AGRN: variants seen among roughly 807,000 people sequenced by gnomAD.
AGRN encodes the protein agrin, also known as agrin proteoglycan.
Under a neutral mutation model 211.0 loss-of-function variants are expected in AGRN, and 106 were observed. That is an observed-to-expected ratio of 0.50 (90% CI 0.43 to 0.59). AGRN has a LOEUF of 0.59. Among genes scored for constraint, AGRN ranks in the 20% least tolerant of loss-of-function variants. AGRN has a pLI of 0.00. For synonymous variants in AGRN, 1,525 were observed against 1,332.5 expected, an observed-to-expected ratio of 1.14 and a Z score of -3.15; for missense variants, 3,040 against 2,982.6, an observed-to-expected ratio of 1.02 and a Z score of -0.45.
At chr1:1,045,571 G>T in intron 14 of AGRN, 48 bp downstream of exon 14, 1 of 1,607,410 alleles carries the variant, frequency 6.2e-7, no homozygotes, top group Admixed American at 1.7e-5. Context: ...CCTCCTACCT[G>T]TTCACCCCCA....
chr1:1,047,064 A>G lies in AGRN; in HGVS notation c.3388+107A>G, dbSNP rs3128099. On this transcript the variant is annotated intron_variant, in intron 19 of 35. Transcript: ENST00000379370. ...CAGTGCCGGGGGTTATGGTCTTGGG[A>G]CTCGGCCCCCTCAAACATGTGCGTG... 1,367,254 of 1,513,232 alleles carry G rather than the reference A, an allele frequency of 0.9. 623,298 individuals are homozygous for G. Among genetic ancestry groups the G allele is most frequent in the East Asian group, 0.97 (39,213 of 40,420 alleles). The allele number at this position is 1,513,232 out of a possible 1,614,324, so 93.7% of individuals were successfully genotyped here.
intron 30 of AGRN, 109 bp downstream of exon 30, chr1:1,050,946 C>T (rs2100685896): frequency 1.9e-6 from 3 of 1,545,946 alleles, no homozygotes; most frequent in African/African-American, 2.7e-5. Flanking sequence ...GTCCTGTTCT[C>T]TTGGCCGCCT....
Position 1,034,458 on chromosome 1 carries a change from G to A in AGRN, c.464-819G>A, listed in dbSNP as rs751859626. 8.6e-4 allele frequency: 851 copies of A among 985,594 alleles called. 2 individuals carry two copies. Among genetic ancestry groups the A allele is most frequent in the Non-Finnish European group, 9.8e-4 (817 of 830,150 alleles). 61.1% of individuals were successfully genotyped at this position (985,594 alleles called of 1,614,324 possible). ...ACAGCTGCTGTCCGCCGCCCCAGGG[G>A]TCCCAGGATGGGGCGAGCAGCCCTG... On this transcript the variant is annotated intron_variant, in intron 2 of 35. Coordinates refer to ENST00000379370, the MANE Select transcript of AGRN (RefSeq NM_198576.4).
intron 2 of AGRN, among the ~76,000 whole-genome samples, chr1:1,027,869 C>T (rs2710870): frequency 0.86 from 130,669 of 152,196 alleles, 56,973 homozygotes; most frequent in South Asian, 0.95. Flanking sequence ...CACACTGGGC[C>T]CTAGGAGAAG....
In AGRN at chr1:1,050,944, C is replaced by T. The variant is rs975642690; in HGVS notation, c.5253+107C>T. The T allele has an allele frequency of 1.6e-5, 24 of 1,544,966 alleles. 1 individual carries two copies. The African/African-American group carries it at 1.8e-4, about 11-fold the overall frequency. On this transcript the variant is annotated intron_variant, in intron 30 of 35. Transcript: ENST00000379370. ...CACGGAGCTGTTTTTCTGTCCTGTT[C>T]TCTTGGCCGCCTGCCCTGTCCTCTG...
chr1:1,027,014 CCCCCCCGAAGGGGCCTCT>C (rs1644534816), intron 2 of AGRN, among the ~76,000 whole-genome samples: 1 of 152,054 alleles, frequency 6.6e-6, no homozygotes, highest in Non-Finnish European at 1.5e-5. Flanking sequence ...CTGAGGGAAG[CCCCCCCGAAGGGGCCTCT>C]CCCCCCAGCA....
chr1:1,045,936 A>C (rs779501772), intron 15 of AGRN, 28 bp from the exon 16 acceptor site: 1 of 1,612,570 alleles, frequency 6.2e-7, no homozygotes, highest in African/African-American at 1.3e-5. Context: ...CACCCGAGCC[A>C]CAGAGGTTTC....
intron 2 of AGRN, among the ~76,000 whole-genome samples, chr1:1,028,516 C>T (rs1324193553): frequency 2.8e-5 from 4 of 144,980 alleles, no homozygotes; most frequent in East Asian, 4.0e-4. Flanking sequence ...CCGAAGGAAC[C>T]GAGCCCCAGC....
intron 2 of AGRN, chr1:1,034,984 G>T (rs1025842145): frequency 3.6e-6 from 2 of 550,656 alleles, no homozygotes; most frequent in African/African-American, 1.9e-5. Flanking sequence ...AGGACCTGCG[G>T]TGGACTCTTC....
In AGRN at chr1:1,048,137, C is replaced by T; in HGVS notation, c.3877C>T (p.His1293Tyr). The T allele has an allele frequency of 1.3e-6, 2 of 1,573,034 alleles. No individual in the cohort carries two copies. Among genetic ancestry groups the T allele is most frequent in the South Asian group, 2.3e-5 (2 of 86,826 alleles). Residue 1293 changes from histidine (H) to tyrosine (Y), a missense_variant, in exon 23 of 36, where the codon CAC (histidine) becomes TAC (tyrosine). His to Tyr is a moderately conservative substitution (Grantham distance 83). Coordinates refer to ENST00000379370, the MANE Select transcript of AGRN (RefSeq NM_198576.4). This position sits in a 1 kb window ranked among gnomAD's most constrained non-coding sequence, Gnocchi z 5.9. ...GACCCCTCGGGCCCCGCACCCCAGT[C>T]ACACAAGCCAGCCCGTTGCCAAGAC... ...AVTPRAPHPS[H>Y]TSQPVAKTTA...
rs1348654433 is a variant in AGRN at position 1,051,250 on chromosome 1, C to A, written c.5254-3C>A. On this transcript the variant is annotated splice_region_variant and splice_polypyrimidine_tract_variant and intron_variant, in intron 30 of 35. Coordinates refer to ENST00000379370, the MANE Select transcript of AGRN (RefSeq NM_198576.4). ...CACAGCCACTTACCTGGCGTCCCCGCAGGTTCCGCACACCGTCCTCAACCT... is the reference window on the plus strand; with the variant it reads ...CACAGCCACTTACCTGGCGTCCCCGAAGGTTCCGCACACCGTCCTCAACCT... 6.3e-7 allele frequency: 1 copy of A among 1,581,882 alleles called. No individual in the cohort carries two copies. The highest frequency in any genetic ancestry group is 8.6e-7 in the Non-Finnish European group (1 of 1,165,254).
At chr1:1,050,063 A>C (rs867529558) in intron 27 of AGRN, 26 bp downstream of exon 27, 5 of 1,027,512 alleles carry the variant, frequency 4.9e-6, no homozygotes, top group Non-Finnish European at 7.2e-6. Flanking sequence ...CTCTCGGGGC[A>C]GGGGGGGGGG....
At chr1:1,026,879 G>C (rs2100577120) in intron 2 of AGRN, among the ~76,000 whole-genome samples, 1 of 152,338 alleles carries the variant, frequency 6.6e-6, no homozygotes, top group East Asian at 1.9e-4. Flanking sequence ...TGCACCTCCT[G>C]CCTGCTGGGT....
At position 1,049,726 on chromosome 1, in the gene AGRN, C is replaced by T; in HGVS notation, c.4675C>T (p.His1559Tyr). The stretch of plus-strand genomic sequence containing the variant: ...CCACCCCTGCCTGCCCAACCCCTGC[C>T]ATGGCGGGGCCCCATGCCAGAACCT... ...GDHPCLPNPCHGGAPCQNLEA... is the reference protein window; with the variant it reads ...GDHPCLPNPCYGGAPCQNLEA... The change falls in exon 26 of 36, where the codon CAT becomes TAT. Residue 1559 changes from histidine to tyrosine, a missense_variant. Transcript: ENST00000379370. 4 of 1,582,420 alleles carry T rather than the reference C, an allele frequency of 2.5e-6. No homozygotes were observed. The highest frequency in any genetic ancestry group is 1.3e-5 in the African/African-American group (1 of 74,570).
intron 2 of AGRN, chr1:1,034,286 G>A (rs1644747394): frequency 8.1e-6 from 8 of 985,466 alleles, no homozygotes; most frequent in Non-Finnish European, 9.6e-6. Flanking sequence ...GGTGGCTGCG[G>A]GCTCCCAGTC....
intron 3 of AGRN, among the ~76,000 whole-genome samples, chr1:1,037,872 G>A (rs910285561): frequency 6.6e-6 from 1 of 152,178 alleles, no homozygotes; most frequent in South Asian, 2.1e-4. Flanking sequence ...TGTGCCTGGC[G>A]GGTACGTGCG....
At chr1:1,034,235 C>T in intron 2 of AGRN, 1 of 985,330 alleles carries the variant, frequency 1.0e-6, no homozygotes, top group Non-Finnish European at 1.2e-6. Context: ...CCGGGAAGAC[C>T]GAGCGCTGGC....
chr1:1,048,228 C>A lies in AGRN; in HGVS notation c.3968C>A (p.Pro1323His). 6.5e-7 allele frequency: 1 copy of A among 1,545,976 alleles called. No homozygotes were observed. The highest frequency in any genetic ancestry group is 8.7e-7 in the Non-Finnish European group (1 of 1,144,964). Reference sequence around the variant, plus strand: ...CCCAGCCGTGTGCCCGGACGTCGGCCCCCGGCCCCCCAGCAGCCTCCAAAG... The same window carrying A: ...CCCAGCCGTGTGCCCGGACGTCGGCACCCGGCCCCCCAGCAGCCTCCAAAG... ...TAPSRVPGRR[P>H]PAPQQPPKPC... The change falls in exon 23 of 36, where the codon CCC (proline) becomes CAC (histidine). Residue 1323 changes from proline to histidine, a missense_variant. Pro to His is a moderately conservative substitution (Grantham distance 77). This residue lies in a region of AGRN where 1,537 missense variants were observed against 1,505.0 expected (regional missense o/e 1.02). Coordinates refer to ENST00000379370, the MANE Select transcript of AGRN (RefSeq NM_198576.4). The surrounding 1 kb of genome is among the most constrained non-coding windows in gnomAD (Gnocchi z 5.9).
At chr1:1,038,398 C>T (rs1644851492) in intron 3 of AGRN, among the ~76,000 whole-genome samples, 1 of 152,206 alleles carries the variant, frequency 6.6e-6, no homozygotes, top group Non-Finnish European at 1.5e-5. Flanking sequence ...TAAGGTACCT[C>T]TAGGCTCCCA....
Sources: allele counts gnomAD v4.1 joint callset (sites outside exome capture counted in the v4.1 genomes callset), GRCh38; gene constraint gnomAD v4.1.1; regional missense constraint gnomAD v4.1.1; non-coding constraint Gnocchi (gnomAD v3.1); transcripts MANE v1.5; gene names NCBI Gene and HGNC (gene_info 2026-07-23, HGNC 2026-07-21).